Variants in GRIN3B observed in about 807,000 individuals in gnomAD.
The protein encoded by GRIN3B is glutamate ionotropic receptor NMDA type subunit 3B, also known as glutamate receptor ionotropic, NMDA 3B.
A neutral mutation model predicts 66.0 loss-of-function variants in GRIN3B; 77 were observed. The ratio of observed to expected loss-of-function variants is 1.17; its 90% confidence interval spans 0.97 to 1.41. The LOEUF (loss-of-function observed/expected upper bound fraction) is 1.41, where lower values mean the gene tolerates loss of function less well. Among genes scored for constraint, GRIN3B ranks in the 40% most tolerant of loss-of-function variants. The probability of loss-of-function intolerance (pLI) is 0.00; values close to 1 mark genes in which losing one functional copy is unlikely to be tolerated. For missense variants in GRIN3B, 1,787 were observed against 1,564.5 expected (o/e 1.14, Z -2.40); for synonymous variants, 823 against 749.7 (o/e 1.10, Z -1.60).
chr19:1,009,215 A>G lies in GRIN3B; in HGVS notation c.2745A>G (p.Pro915=). The G allele has an allele frequency of 6.8e-7, 1 of 1,474,238 alleles. No homozygotes were observed. Among genetic ancestry groups the G allele is most frequent in the African/African-American group, 1.5e-5 (1 of 68,198 alleles). The allele number at this position is 1,474,238 out of a possible 1,614,324, so 91.3% of individuals were successfully genotyped here. A position where few individuals can be genotyped will look rare whatever the true frequency, so the allele number is the denominator to read the frequency against. The part of the protein sequence containing the change: ...VEQQQQQQDQ[P]TAPEGWKRAR... ...AGCAGCAGCAGCAGCAGGACCAGCC[A>G]ACGGCTCCGGAGGGCTGGAAACGGG... Residue 915 remains proline (P), a synonymous_variant, in exon 9 of 9, where the codon CCA becomes CCG. Coordinates refer to ENST00000234389, the MANE Select transcript of GRIN3B (RefSeq NM_138690.3).
In GRIN3B at chr19:1,008,733, C is replaced by T. The variant is rs762752908; in HGVS notation, c.2582C>T (p.Pro861Leu). 1.4e-5 allele frequency: 22 copies of T among 1,608,280 alleles called. No individual in the cohort carries two copies. Among genetic ancestry groups the T allele is most frequent in the African/African-American group, 2.7e-5 (2 of 74,992 alleles). ...GEHAFFRLAL[P>L]RIRKGSRLQY... ...CACGCCTTCTTCCGCCTGGCGCTGC[C>T]GCGCATCCGCAAGGGGAGCAGGCTG... Residue 861 changes from proline to leucine, a missense_variant, in exon 7 of 9, where the codon CCG (proline) becomes CTG (leucine). Physicochemically the swap from Pro to Leu is moderately conservative, Grantham distance 98. Coordinates refer to ENST00000234389, the MANE Select transcript of GRIN3B (RefSeq NM_138690.3).
Position 1,003,573 on chromosome 19 carries a change from GGCC to G in GRIN3B, c.874_876del (p.Ala292del). The G allele has an allele frequency of 6.0e-6, 9 of 1,499,714 alleles. No homozygotes were observed. The highest frequency in any genetic ancestry group is 8.0e-6 in the Non-Finnish European group (9 of 1,130,348). The allele number at this position is 1,499,714 out of a possible 1,614,324, so 92.9% of individuals were successfully genotyped here. ...GCGAGGTGGCACGACCCCCGCTGGA[GGCC>G]GCCATCCATGACATTGTGCAACTGG... On this transcript the variant is annotated inframe_deletion, in exon 2 of 9. Coordinates refer to ENST00000234389, the MANE Select transcript of GRIN3B (RefSeq NM_138690.3).
chr19:1,008,529 T>C (rs1381976772), intron 6 of GRIN3B, 89 bp from the exon 7 acceptor site: 1 of 1,468,120 alleles, frequency 6.8e-7, no homozygotes. Flanking sequence ...AGCCCCTCTC[T>C]CTGGCCCAAC....
rs556689203 is a variant in GRIN3B at position 1,002,562 on chromosome 19, G to A, written c.427-568G>A. Reference sequence around the variant, plus strand: ...CATGTGCCTGGCACGGGGCAGTAATGTGTGAAGGGGATGCTAGGGGAAGCT... The same window carrying A: ...CATGTGCCTGGCACGGGGCAGTAATATGTGAAGGGGATGCTAGGGGAAGCT... On this transcript the variant is annotated intron_variant, in intron 1 of 8. Coordinates refer to ENST00000234389, the MANE Select transcript of GRIN3B (RefSeq NM_138690.3). The A allele has an allele frequency of 1.9e-3, 292 of 152,510 alleles. 1 individual carries two copies. Among genetic ancestry groups the A allele is most frequent in the African/African-American group, 6.1e-3 (253 of 41,530 alleles). 9.4% of individuals were successfully genotyped at this position (152,510 alleles called of 1,614,324 possible).
In GRIN3B at chr19:1,005,156, G is replaced by T. The variant is rs1469130780; in HGVS notation, c.1655G>T (p.Ser552Ile). 1 of 1,613,474 alleles carries T rather than the reference G, an allele frequency of 6.2e-7. No homozygotes were observed. Among genetic ancestry groups the T allele is most frequent in the Non-Finnish European group, 8.5e-7 (1 of 1,179,980 alleles). The change falls in exon 3 of 9, where the codon AGC becomes ATC. Residue 552 changes from serine (S) to isoleucine (I), a missense_variant. Coordinates refer to ENST00000234389, the MANE Select transcript of GRIN3B (RefSeq NM_138690.3). The surrounding 1 kb of genome is among the most constrained non-coding windows in gnomAD (Gnocchi z 5.2). The part of the protein sequence containing the change: ...VDFTSPFFST[S>I]LGIMVRARDT... Reference sequence around the variant, plus strand: ...TTCACCAGCCCCTTCTTCTCCACCAGCCTGGGCATCATGGTGCGGGCACGG... The same window carrying T: ...TTCACCAGCCCCTTCTTCTCCACCATCCTGGGCATCATGGTGCGGGCACGG...
Position 1,000,739 on chromosome 19 carries a change from C to A in GRIN3B, c.302C>A (p.Ala101Glu). 1.4e-6 allele frequency: 2 copies of A among 1,437,420 alleles called. No individual in the cohort carries two copies. Among genetic ancestry groups the A allele is most frequent in the Non-Finnish European group, 1.8e-6 (2 of 1,099,780 alleles). The allele number at this position is 1,437,420 out of a possible 1,614,324, so 89.0% of individuals were successfully genotyped here. A position where few individuals can be genotyped will look rare whatever the true frequency, so the allele number is the denominator to read the frequency against. ...LCQALVPPGV[A>E]ALLAFPEARP... is the part of the protein sequence containing the mutation. The stretch of plus-strand genomic sequence containing the variant: ...CAGGCGCTGGTGCCTCCGGGCGTGG[C>A]GGCCCTGCTCGCCTTTCCCGAGGCT... The change falls in exon 1 of 9, where the codon GCG becomes GAG. Residue 101 changes from alanine to glutamate, a missense_variant. Physicochemically the swap from Ala to Glu is moderately radical, Grantham distance 107 (BLOSUM62 -1). Coordinates refer to ENST00000234389, the MANE Select transcript of GRIN3B (RefSeq NM_138690.3).
At chr19:1,009,131 G>C in intron 8 of GRIN3B, 42 bp from the exon 9 acceptor site, 1 of 1,441,522 alleles carries the variant, frequency 6.9e-7, no homozygotes, top group Non-Finnish European at 9.1e-7. Flanking sequence ...GGCGCGAGAC[G>C]GCTGCCCCGG....
At chr19:1,008,074 C>T (rs2038777615) in intron 5 of GRIN3B, 66 bp from the exon 6 acceptor site, 2 of 1,562,502 alleles carry the variant, frequency 1.3e-6, no homozygotes, top group Non-Finnish European at 1.7e-6. Flanking sequence ...CGAAATCCCA[C>T]GTGTGCGGGC....
chr19:1,009,114 G>A lies in GRIN3B; in HGVS notation c.2703-59G>A. On this transcript the variant is annotated intron_variant, in intron 8 of 8. Coordinates refer to ENST00000234389, the MANE Select transcript of GRIN3B (RefSeq NM_138690.3). ...CTCTGCCGTCAGCGGCCTCTGCAGA[G>A]GCCCAGGGCGCGAGACGGCTGCCCC... The A allele has an allele frequency of 2.1e-6, 3 of 1,443,278 alleles. No individual in the cohort carries two copies. The South Asian group carries it at 4.3e-5, about 21-fold the overall frequency. 89.4% of individuals were successfully genotyped at this position (1,443,278 alleles called of 1,614,324 possible). A position where few individuals can be genotyped will look rare whatever the true frequency, so the allele number is the denominator to read the frequency against.
intron 1 of GRIN3B, among the ~76,000 whole-genome samples, chr19:1,001,616 C>G (rs1331034058): frequency 6.6e-6 from 1 of 152,054 alleles, no homozygotes; most frequent in Non-Finnish European, 1.5e-5. Flanking sequence ...GAGGTCCCAA[C>G]TCCGGACATG....
Position 1,008,150 on chromosome 19 carries a change from C to A in GRIN3B, c.2325C>A (p.Ile775=). 6.3e-7 allele frequency: 1 copy of A among 1,595,544 alleles called. No individual in the cohort carries two copies. Among genetic ancestry groups the A allele is most frequent in the Non-Finnish European group, 8.5e-7 (1 of 1,171,620 alleles). Reference sequence around the variant, plus strand: ...GCCCCGCGCCCCCAGGCTATGGGATCGGACTGCCCCAGAACTCGCCGCTCA... The same window carrying A: ...GCCCCGCGCCCCCAGGCTATGGGATAGGACTGCCCCAGAACTCGCCGCTCA... ...GKPFAIEGYG[I]GLPQNSPLTS... is the part of the protein sequence containing the mutation. Residue 775 remains isoleucine, a synonymous_variant, in exon 6 of 9, where the codon ATC becomes ATA. Transcript: ENST00000234389.
rs2038674504 is a variant in GRIN3B, at chr19:1,000,671, G to A, written c.234G>A (p.Ala78=). 1 of 1,332,646 alleles carries A rather than the reference G, an allele frequency of 7.5e-7. No individual in the cohort carries two copies. Among genetic ancestry groups the A allele is most frequent in the South Asian group, 1.8e-5 (1 of 54,984 alleles). 82.6% of individuals were successfully genotyped at this position (1,332,646 alleles called of 1,614,324 possible). A position where few individuals can be genotyped will look rare whatever the true frequency, so the allele number is the denominator to read the frequency against. The change falls in exon 1 of 9, where the codon GCG becomes GCA. Residue 78 remains alanine, a synonymous_variant. Transcript: ENST00000234389. The part of the protein sequence containing the change: ...HNLSLELVVA[A]PPARDPASLT... Reference sequence around the variant, plus strand: ...TGAGCTTGGAGCTGGTGGTCGCCGCGCCCCCCGCCCGCGACCCCGCCTCGC... The same window carrying A: ...TGAGCTTGGAGCTGGTGGTCGCCGCACCCCCCGCCCGCGACCCCGCCTCGC...
intron 1 of GRIN3B, among the ~76,000 whole-genome samples, chr19:1,002,363 C>CAAAAA (rs71335327): frequency 7.2e-4 from 54 of 74,652 alleles, no homozygotes; most frequent in African/African-American, 1.4e-3. Context: ...ACTAAAAATA[C>CAAAAA]AAAAAAAAAA....
In GRIN3B at chr19:1,009,264, C is replaced by A; in HGVS notation, c.2794C>A (p.Arg932Ser). The A allele has an allele frequency of 1.4e-6, 2 of 1,420,928 alleles. No individual in the cohort carries two copies. Among genetic ancestry groups the A allele is most frequent in the East Asian group, 2.9e-5 (1 of 34,942 alleles). 88.0% of individuals were successfully genotyped at this position (1,420,928 alleles called of 1,614,324 possible). The change falls in exon 9 of 9, where the codon CGC becomes AGC. Residue 932 changes from arginine to serine, a missense_variant. By Grantham distance (110) the Arg-to-Ser change is moderately radical (BLOSUM62 -1). Transcript: ENST00000234389. Reference protein sequence around the residue: ...KRARRAVDKERRVRFLLEPAV... With the variant: ...KRARRAVDKESRVRFLLEPAV... ...GGCGCGCCGGGCCGTGGACAAGGAG[C>A]GCCGCGTGCGCTTCCTGCTGGAGCC... is the stretch of plus-strand genomic sequence containing the variant.
rs971735243 is a variant in GRIN3B at position 1,007,426 on chromosome 19, G to A, written c.2053-202G>A. Reference sequence around the variant, plus strand: ...GGGTGATCCTGCCCCCCGCCCCAGGGGACCCTGGACAGTGTGTGTCTAGAG... The same window carrying A: ...GGGTGATCCTGCCCCCCGCCCCAGGAGACCCTGGACAGTGTGTGTCTAGAG... On this transcript the variant is annotated intron_variant, in intron 3 of 8. Coordinates refer to ENST00000234389, the MANE Select transcript of GRIN3B (RefSeq NM_138690.3). The surrounding 1 kb of genome is among the most constrained non-coding windows in gnomAD (Gnocchi z 4.4). Among the ~76,000 whole-genome samples the A allele has an allele frequency of 6.6e-6, 1 of 151,852 alleles. No homozygotes were observed. The highest frequency in any genetic ancestry group is 1.5e-5 in the Non-Finnish European group (1 of 67,906).
In GRIN3B at chr19:1,003,584, A is replaced by G. The variant is rs1436603386; in HGVS notation, c.881A>G (p.His294Arg). ...CGACCCCCGCTGGAGGCCGCCATCC[A>G]TGACATTGTGCAACTGGTGGCCCGG... ...VARPPLEAAI[H>R]DIVQLVARAL... The change falls in exon 2 of 9, where the codon CAT (histidine) becomes CGT (arginine). Residue 294 changes from histidine (H) to arginine (R), a missense_variant. Coordinates refer to ENST00000234389, the MANE Select transcript of GRIN3B (RefSeq NM_138690.3). The G allele has an allele frequency of 2.0e-6, 3 of 1,485,056 alleles. No homozygotes were observed. Among genetic ancestry groups the G allele is most frequent in the Admixed American group, 4.6e-5 (2 of 43,120 alleles). The allele number at this position is 1,485,056 out of a possible 1,614,324, so 92.0% of individuals were successfully genotyped here. A position where few individuals can be genotyped will look rare whatever the true frequency, so the allele number is the denominator to read the frequency against.
intron 3 of GRIN3B, among the ~76,000 whole-genome samples, chr19:1,006,555 C>A (rs1390575872): frequency 4.6e-5 from 7 of 152,312 alleles, no homozygotes; most frequent in African/African-American, 1.7e-4. Flanking sequence ...AATTCTCCTG[C>A]CTCAGCCTCC....
At chr19:1,009,045 C>T (rs1281069005) in intron 8 of GRIN3B, 118 bp downstream of exon 8, 46 of 1,457,326 alleles carry the variant, frequency 3.2e-5, no homozygotes, top group Non-Finnish European at 4.2e-5. Flanking sequence ...CGCCCACCCC[C>T]GGACGTGCAC....
In GRIN3B at chr19:1,007,892, C is replaced by A. The variant is rs368118765; in HGVS notation, c.2235C>A (p.Asp745Glu). 3 of 1,611,750 alleles carry A rather than the reference C, an allele frequency of 1.9e-6. No homozygotes were observed. The highest frequency in any genetic ancestry group is 2.5e-6 in the Non-Finnish European group (3 of 1,179,448). The change falls in exon 5 of 9, where the codon GAC becomes GAA. Residue 745 changes from aspartate to glutamate, a missense_variant. By Grantham distance (45) the Asp-to-Glu change is conservative. Transcript: ENST00000234389. This position sits in a 1 kb window ranked among gnomAD's most constrained non-coding sequence, Gnocchi z 4.4. Reference protein sequence around the residue: ...DPPKLNAFIMDKSLLDYEVSI... With the variant: ...DPPKLNAFIMEKSLLDYEVSI... ...CCAAGCTCAACGCCTTCATCATGGA[C>A]AAGTCGCTCCTGGACTACGAGGTCT...
Sources: gnomAD v4.1 joint callset for allele counts (sites outside exome capture counted in the v4.1 genomes callset) on GRCh38, gnomAD v4.1.1 for gene constraint, Gnocchi (gnomAD v3.1) non-coding constraint, MANE v1.5 for transcripts, NCBI Gene and HGNC (gene_info 2026-07-23, HGNC 2026-07-21) for gene names.